DLGAP4: variants seen among roughly 807,000 people sequenced by gnomAD.
DLGAP4 encodes the protein DLG associated protein 4.
Under a neutral mutation model 86.9 loss-of-function variants are expected in DLGAP4, and 18 were observed. The observed-to-expected ratio is 0.21, with a 90% CI of 0.14 to 0.31. DLGAP4 has a LOEUF of 0.31. Ranked by LOEUF, DLGAP4 falls within the 10% of genes least tolerant of loss-of-function variation. The pLI, the probability that DLGAP4 is intolerant of heterozygous loss-of-function variation, is 1.00. For synonymous variants in DLGAP4, 548 were observed against 574.3 expected, an observed-to-expected ratio of 0.95 and a Z score of 0.65; for missense variants, 1,085 against 1,362.6, an observed-to-expected ratio of 0.80 and a Z score of 3.21.
rs1170713470 is a variant in DLGAP4 at position 36,350,128 on chromosome 20, C to G, written c.-303-16917C>G. Among the ~76,000 whole-genome samples the G allele has an allele frequency of 6.6e-6, 1 of 152,208 alleles. No individual in the cohort carries two copies. The highest frequency in any genetic ancestry group is 1.5e-5 in the Non-Finnish European group (1 of 68,046). ...CTCAGACATGTATCTAGAGGAGGTG[C>G]CATGGGGACAGGACGGGGATCTGCA... On this transcript the variant is annotated intron_variant, in intron 1 of 12. Coordinates refer to ENST00000339266, the MANE Select transcript of DLGAP4 (RefSeq NM_001365621.2). The surrounding 1 kb of genome is among the most constrained non-coding windows in gnomAD (Gnocchi z 4.4).
At chr20:36,322,749 G>A (rs1309283242) in intron 1 of DLGAP4, among the ~76,000 whole-genome samples, 1 of 152,120 alleles carries the variant, frequency 6.6e-6, no homozygotes, top group Admixed American at 6.5e-5. Flanking sequence ...AGTGACTACC[G>A]AGTATTATTC....
intron 7 of DLGAP4, among the ~76,000 whole-genome samples, chr20:36,467,017 C>CCTCT (rs55778929): frequency 0.014 from 699 of 50,324 alleles, 16 homozygotes; most frequent in South Asian, 0.031. Flanking sequence ...CTCTCTCTCT[C>CCTCT]CTCTCTCTCT....
At position 36,526,866 on chromosome 20, in the gene DLGAP4, G is replaced by T. The variant is rs115548718; in HGVS notation, c.2814G>T (p.Pro938=). 1 of 1,612,004 alleles carries T rather than the reference G, an allele frequency of 6.2e-7. No homozygotes were observed. Reference sequence around the variant, plus strand: ...CAAAGAAGCCAGCCAAATCCAAGCCGGCAGTGAGCCGCGACAAGGCCTCAG... The same window carrying T: ...CAAAGAAGCCAGCCAAATCCAAGCCTGCAGTGAGCCGCGACAAGGCCTCAG... ...PVPKKPAKSK[P]AVSRDKASDA... Residue 938 remains proline (P), a synonymous_variant, in exon 13 of 13, where the codon CCG becomes CCT. Coordinates refer to ENST00000339266, the MANE Select transcript of DLGAP4 (RefSeq NM_001365621.2).
chr20:36,315,104 G>A (rs1213495522), intron 1 of DLGAP4, among the ~76,000 whole-genome samples: 1 of 142,588 alleles, frequency 7.0e-6, no homozygotes, highest in African/African-American at 2.6e-5. Context: ...GTGATGTGTG[G>A]TGTGTGATGT....
At chr20:36,522,607 C>T (rs1043846286) in intron 10 of DLGAP4, among the ~76,000 whole-genome samples, 9 of 152,200 alleles carry the variant, frequency 5.9e-5, no homozygotes, top group Middle Eastern at 3.2e-3. Flanking sequence ...CTGCAACCTC[C>T]GCCTCCCAGG....
At chr20:36,351,244 A>G (rs1400375656) in intron 1 of DLGAP4, among the ~76,000 whole-genome samples, 3 of 152,198 alleles carry the variant, frequency 2.0e-5, no homozygotes, top group African/African-American at 7.2e-5. Context: ...GTACTTATAA[A>G]TGGCAGACCC....
At chr20:36,404,644 G>A (rs2032260429) in intron 2 of DLGAP4, among the ~76,000 whole-genome samples, 2 of 152,376 alleles carry the variant, frequency 1.3e-5, no homozygotes, top group South Asian at 4.1e-4. Flanking sequence ...GGATGGGCAT[G>A]CATAGATGGT....
At chr20:36,454,719 G>C (rs1250108324) in intron 7 of DLGAP4, among the ~76,000 whole-genome samples, 1 of 152,220 alleles carries the variant, frequency 6.6e-6, no homozygotes, top group African/African-American at 2.4e-5. Context: ...TTCTCACAGA[G>C]GCATCTGTGC....
intron 10 of DLGAP4, among the ~76,000 whole-genome samples, chr20:36,520,071 A>G (rs1206181541): frequency 6.6e-6 from 1 of 151,628 alleles, no homozygotes; most frequent in African/African-American, 2.4e-5. Flanking sequence ...CTGGGATTAC[A>G]GGCAGGAGCC....
chr20:36,444,167 A>C (rs558129840), intron 6 of DLGAP4, among the ~76,000 whole-genome samples: 1 of 152,354 alleles, frequency 6.6e-6, no homozygotes, highest in Admixed American at 6.5e-5. Context: ...AATTTTGGAT[A>C]TGCCACATGG....
Position 36,500,169 on chromosome 20 carries a change from G to C in DLGAP4, c.2100-30G>C, listed in dbSNP as rs751547507. ...CCCTCTTGGTGACTCACTCCTTCCT[G>C]TCCCCACCCCATCCACCCCCTACCC... On this transcript the variant is annotated intron_variant, in intron 9 of 12. Transcript: ENST00000339266. This position sits in a 1 kb window ranked among gnomAD's most constrained non-coding sequence, Gnocchi z 4.6. The C allele has an allele frequency of 2.0e-6, 3 of 1,510,760 alleles. No homozygotes were observed. The allele number at this position is 1,510,760 out of a possible 1,614,324, so 93.6% of individuals were successfully genotyped here.
At chr20:36,450,218 G>A (rs540840458) in intron 7 of DLGAP4, among the ~76,000 whole-genome samples, 1 of 152,044 alleles carries the variant, frequency 6.6e-6, no homozygotes. Context: ...CAGGGTCTGG[G>A]TGGGCGCAGT....
In DLGAP4 at chr20:36,447,066, T is replaced by G. The variant is rs1360337901; in HGVS notation, c.1648+129T>G. ...AGGCTGGCCCGCACCAGGGGGATGG[T>G]TGGGAGCAAAAGCAGGAGGCCTTGG... On this transcript the variant is annotated intron_variant, in intron 7 of 12. Transcript: ENST00000339266. The G allele has an allele frequency of 2.8e-6, 4 of 1,443,930 alleles. No individual in the cohort carries two copies. The Admixed American group carries it at 1.2e-4, about 43-fold the overall frequency. 89.4% of individuals were successfully genotyped at this position (1,443,930 alleles called of 1,614,324 possible). A position where few individuals can be genotyped will look rare whatever the true frequency, so the allele number is the denominator to read the frequency against.
chr20:36,349,858 TA>T (rs1278647672), intron 1 of DLGAP4, among the ~76,000 whole-genome samples: 1 of 152,208 alleles, frequency 6.6e-6, no homozygotes, highest in Non-Finnish European at 1.5e-5. Flanking sequence ...ATTGGGAAAC[TA>T]AATTCCCCAA....
intron 2 of DLGAP4, among the ~76,000 whole-genome samples, chr20:36,392,162 G>A (rs1246598211): frequency 6.6e-6 from 1 of 152,176 alleles, no homozygotes; most frequent in African/African-American, 2.4e-5. Flanking sequence ...GAGCAAGAGT[G>A]AGGGAGCCAC....
At chr20:36,360,316 C>T (rs1238297767) in intron 1 of DLGAP4, among the ~76,000 whole-genome samples, 10 of 152,176 alleles carry the variant, frequency 6.6e-5, no homozygotes, top group African/African-American at 2.4e-4. Context: ...CTGACCCGGT[C>T]CTCCAGGCCG....
intron 2 of DLGAP4, among the ~76,000 whole-genome samples, chr20:36,409,161 A>G (rs1284328092): frequency 2.0e-5 from 3 of 148,564 alleles, no homozygotes; most frequent in Non-Finnish European, 4.4e-5. Flanking sequence ...TCAGTCTTCC[A>G]AATAGCTGGG....
intron 1 of DLGAP4, among the ~76,000 whole-genome samples, chr20:36,328,638 G>C (rs1255611389): frequency 6.6e-6 from 1 of 151,762 alleles, no homozygotes; most frequent in Non-Finnish European, 1.5e-5. Flanking sequence ...TTGTTTTTTT[G>C]TTTTTTTGAG....
chr20:36,442,955 C>T (rs1485178021), intron 6 of DLGAP4, among the ~76,000 whole-genome samples, 178 bp downstream of exon 6: 2 of 152,204 alleles, frequency 1.3e-5, no homozygotes, highest in African/African-American at 4.8e-5. Flanking sequence ...CTCTCCACTC[C>T]CTACCCTTAT....
Sources: gnomAD v4.1 joint callset for allele counts (sites outside exome capture counted in the v4.1 genomes callset) on GRCh38, gnomAD v4.1.1 for gene constraint, Gnocchi (gnomAD v3.1) non-coding constraint, MANE v1.5 for transcripts, NCBI Gene and HGNC (gene_info 2026-07-23, HGNC 2026-07-21) for gene names.